Variants in SAP130 observed in about 807,000 individuals in gnomAD.
SAP130 encodes Sin3A associated protein 130.
A neutral mutation model predicts 103.2 loss-of-function variants in SAP130; 16 were observed. The observed-to-expected ratio is 0.16, with a 90% CI of 0.10 to 0.24. The LOEUF is 0.24. Ranked by LOEUF, SAP130 falls within the 10% of genes least tolerant of loss-of-function variation. The pLI is 1.00. For synonymous variants in SAP130, 477 were observed against 497.0 expected, an observed-to-expected ratio of 0.96 and a Z score of 0.53; for missense variants, 990 against 1,359.7, an observed-to-expected ratio of 0.73 and a Z score of 4.28.
chr2:128,006,710 G>A (rs1683999618), intron 7 of SAP130, among the ~76,000 whole-genome samples: 3 of 152,212 alleles, frequency 2.0e-5, no homozygotes, highest in Non-Finnish European at 1.5e-5. Flanking sequence ...GGCCTAGGAG[G>A]TCAAGGCTGC....
At chr2:128,024,086 T>C (rs1204611745) in intron 2 of SAP130, among the ~76,000 whole-genome samples, 2 of 152,186 alleles carry the variant, frequency 1.3e-5, no homozygotes, top group African/African-American at 4.8e-5. Flanking sequence ...AATTTTTTAA[T>C]CATTTATTTA....
In SAP130 at chr2:127,950,055, T is replaced by C. The variant is rs367721410; in HGVS notation, c.2672-61A>G. ...CTGTCAACAATCCTCAAAGTTCATT[T>C]CCAGTAAGTGAGGTACGAGTGAGGC... On this transcript the variant is annotated intron_variant, in intron 17 of 20. Transcript: ENST00000643581. 626 of 1,609,528 alleles carry C rather than the reference T, an allele frequency of 3.9e-4. 2 individuals carry two copies. The East Asian group carries it at 0.01, about 27-fold the overall frequency.
Position 127,955,187 on chromosome 2 carries a change from T to C in SAP130, c.2221A>G (p.Ser741Gly), listed in dbSNP as rs1439473495. The C allele has an allele frequency of 1.9e-6, 3 of 1,614,124 alleles. No individual in the cohort carries two copies. Among genetic ancestry groups the C allele is most frequent in the East Asian group, 2.2e-5 (1 of 44,876 alleles). ...PTIPTMIAAASPPSQPAVALS... is the reference protein window; with the variant it reads ...PTIPTMIAAAGPPSQPAVALS... ...GCAACGGCTGGTTGTGACGGGGGAC[T>C]GGCTGCTGCAATCATAGTTGGAATG... Residue 741 changes from serine to glycine, a missense_variant, in exon 16 of 21, where the codon AGT (serine) becomes GGT (glycine). Around this residue, in one of 6 missense-constraint regions of SAP130, gnomAD observed 349 missense variants for 384.1 expected, o/e 0.91. Coordinates refer to ENST00000643581, the MANE Select transcript of SAP130 (RefSeq NM_001330301.2). This position sits in a 1 kb window ranked among gnomAD's most constrained non-coding sequence, Gnocchi z 4.9.
chr2:128,017,634 A>G (rs1684866359), intron 3 of SAP130, 46 bp downstream of exon 3: 2 of 1,465,382 alleles, frequency 1.4e-6, no homozygotes, highest in East Asian at 4.5e-5. Flanking sequence ...AACATTAGCC[A>G]GTCTCGAGCT....
intron 15 of SAP130, among the ~76,000 whole-genome samples, chr2:127,958,730 T>C (rs1182860297): frequency 6.6e-6 from 1 of 151,406 alleles, no homozygotes; most frequent in African/African-American, 2.4e-5. Flanking sequence ...GGCATGATCA[T>C]GGCTCACTGC....
At chr2:128,024,255 G>A (rs1685345340) in intron 2 of SAP130, among the ~76,000 whole-genome samples, 1 of 152,078 alleles carries the variant, frequency 6.6e-6, no homozygotes, top group South Asian at 2.1e-4. Context: ...TAGGCGGGAG[G>A]ATTCCTTGAG....
Position 127,945,495 on chromosome 2 carries a change from G to A in SAP130, c.2862C>T (p.Gly954=), listed in dbSNP as rs754196667. The part of the protein sequence containing the change: ...NQKGVSCRAQ[G]WKVHLCAAQL... Reference sequence around the variant, plus strand: ...GGGCAGCACAGAGGTGGACTTTCCAGCCTTGAGCACGACAGGATACTCCTT... The same window carrying A: ...GGGCAGCACAGAGGTGGACTTTCCAACCTTGAGCACGACAGGATACTCCTT... Residue 954 remains glycine, a synonymous_variant, in exon 19 of 21, where the codon GGC becomes GGT. Coordinates refer to ENST00000643581, the MANE Select transcript of SAP130 (RefSeq NM_001330301.2). 49 of 1,613,114 alleles carry A rather than the reference G, an allele frequency of 3.0e-5. No individual in the cohort carries two copies. In the East Asian group the frequency reaches 1.1e-3, roughly 35 times the overall value.
At chr2:128,013,319 G>T (rs1684533175) in intron 5 of SAP130, among the ~76,000 whole-genome samples, 165 bp from the exon 6 acceptor site, 1 of 152,104 alleles carries the variant, frequency 6.6e-6, no homozygotes, top group African/African-American at 2.4e-5. Flanking sequence ...GTATTCAAGA[G>T]ATTTAATAAT....
intron 13 of SAP130, among the ~76,000 whole-genome samples, chr2:127,987,378 G>A (rs781022578): frequency 2.5e-4 from 38 of 151,902 alleles, no homozygotes; most frequent in Non-Finnish European, 1.5e-4. Flanking sequence ...TAGAGACGGG[G>A]TTTCACCGTG....
At chr2:127,993,930 T>G (rs1425402979) in intron 11 of SAP130, among the ~76,000 whole-genome samples, 1 of 152,150 alleles carries the variant, frequency 6.6e-6, no homozygotes, top group Non-Finnish European at 1.5e-5. Context: ...CCTAGTTTAG[T>G]TTTTGAGCTT....
At chr2:127,972,505 C>G (rs370790737) in intron 15 of SAP130, among the ~76,000 whole-genome samples, 2 of 152,130 alleles carry the variant, frequency 1.3e-5, no homozygotes, top group Admixed American at 1.3e-4. Flanking sequence ...CCCCTGTAAT[C>G]CCAGCACTTT....
chr2:127,983,938 A>T (rs1056556060), intron 14 of SAP130, among the ~76,000 whole-genome samples: 6 of 145,976 alleles, frequency 4.1e-5, no homozygotes, highest in Non-Finnish European at 8.9e-5. Flanking sequence ...ATTTGCAGTT[A>T]ACTTTTGAAC....
intron 2 of SAP130, among the ~76,000 whole-genome samples, chr2:128,023,691 G>A (rs1461778774): frequency 1.3e-5 from 2 of 152,100 alleles, no homozygotes; most frequent in African/African-American, 4.8e-5. Context: ...GAGGCAGAAT[G>A]GTGTGAACCT....
At chr2:128,002,212 C>T (rs1299065307) in intron 7 of SAP130, among the ~76,000 whole-genome samples, 3 of 152,078 alleles carry the variant, frequency 2.0e-5, no homozygotes, top group African/African-American at 4.8e-5. Context: ...CCAATGTGCC[C>T]GGCCAAAACT....
chr2:128,008,093 C>T (rs1684100270), intron 7 of SAP130, among the ~76,000 whole-genome samples: 3 of 152,200 alleles, frequency 2.0e-5, no homozygotes, highest in Non-Finnish European at 1.5e-5. Flanking sequence ...CCTAGTGGTG[C>T]CCCGCCAGCT....
chr2:127,961,238 T>C (rs1680225661), intron 15 of SAP130, among the ~76,000 whole-genome samples: 1 of 151,490 alleles, frequency 6.6e-6, no homozygotes, highest in African/African-American at 2.4e-5. Flanking sequence ...GATCCACCCA[T>C]CTCAGCCTCC....
chr2:127,958,614 T>A (rs1291410747), intron 15 of SAP130, among the ~76,000 whole-genome samples: 1 of 149,518 alleles, frequency 6.7e-6, no homozygotes, highest in Non-Finnish European at 1.5e-5. Context: ...CTCTCTCTCA[T>A]ATATATGAGA....
At position 128,026,218 on chromosome 2, in the gene SAP130, G is replaced by A; in HGVS notation, c.75C>T (p.Asn25=). The change falls in exon 2 of 21, where the codon AAC becomes AAT. Residue 25 remains asparagine, a synonymous_variant. Coordinates refer to ENST00000643581, the MANE Select transcript of SAP130 (RefSeq NM_001330301.2). ...GGTTTATCAATCCAGCAGAACCACT[G>A]TTTGCAATCTGAGAAGGGGCCTGGC... The part of the protein sequence containing the change: ...GLSQAPSQIA[N]SGSAGLINPA... 2 of 1,614,044 alleles carry A rather than the reference G, an allele frequency of 1.2e-6. No individual in the cohort carries two copies.
At chr2:128,004,485 A>C (rs1312553762) in intron 7 of SAP130, among the ~76,000 whole-genome samples, 1 of 150,620 alleles carries the variant, frequency 6.6e-6, no homozygotes, top group African/African-American at 2.4e-5. Flanking sequence ...ACGATTACAG[A>C]CATGAGCCAC....
Sources: gnomAD v4.1 joint callset for allele counts (sites outside exome capture counted in the v4.1 genomes callset) on GRCh38, gnomAD v4.1.1 for gene constraint, gnomAD v4.1.1 regional missense constraint, Gnocchi (gnomAD v3.1) non-coding constraint, MANE v1.5 for transcripts, NCBI Gene and HGNC (gene_info 2026-07-23, HGNC 2026-07-21) for gene names.